Variants in RAI1 observed in about 807,000 individuals in gnomAD.
The protein encoded by RAI1 is retinoic acid induced 1.
RAI1 carries 9 observed loss-of-function variants against 123.8 expected under a neutral mutation model. The ratio of observed to expected loss-of-function variants is 0.07; its 90% CI spans 0.04 to 0.13. The LOEUF is 0.13. Among genes scored for constraint, RAI1 ranks in the 10% least tolerant of loss-of-function variants. The pLI is 1.00. For synonymous variants in RAI1, 1,231 were observed against 1,127.3 expected (o/e 1.09, Z -1.84); for missense variants, 2,256 against 2,545.8 (o/e 0.89, Z 2.45).
At chr17:17,772,445 CAT>C (rs200984884) in intron 2 of RAI1, among the ~76,000 whole-genome samples, 14 of 152,310 alleles carry the variant, frequency 9.2e-5, no homozygotes, top group African/African-American at 2.4e-4. Flanking sequence ...CCCCAACACA[CAT>C]GTGTGATGCT....
chr17:17,692,641 T>G (rs1009912028), intron 1 of RAI1, among the ~76,000 whole-genome samples: 1 of 152,176 alleles, frequency 6.6e-6, no homozygotes, highest in Non-Finnish European at 1.5e-5. Context: ...GGCTATGAAA[T>G]AATATTGTGA....
chr17:17,767,704 CT>C (rs2030994218), intron 2 of RAI1, among the ~76,000 whole-genome samples: 1 of 152,236 alleles, frequency 6.6e-6, no homozygotes, highest in African/African-American at 2.4e-5. Flanking sequence ...CTCCCTAAGC[CT>C]CAGCCTTTGC....
chr17:17,762,967 C>A (rs549883484), intron 2 of RAI1, among the ~76,000 whole-genome samples: 1 of 151,966 alleles, frequency 6.6e-6, no homozygotes, highest in Non-Finnish European at 1.5e-5. Flanking sequence ...GGTGGTTCCC[C>A]GCTGGCATTT....
At chr17:17,736,457 G>A (rs1000066389) in intron 2 of RAI1, among the ~76,000 whole-genome samples, 3 of 152,222 alleles carry the variant, frequency 2.0e-5, no homozygotes, top group Non-Finnish European at 4.4e-5. Context: ...AGGAACAGGC[G>A]GGGAGGAGGC....
chr17:17,768,024 A>G (rs533561159), intron 2 of RAI1, among the ~76,000 whole-genome samples: 2 of 152,342 alleles, frequency 1.3e-5, no homozygotes, highest in East Asian at 3.9e-4. Context: ...TCATTGGCTT[A>G]ATGTAAGTGG....
At chr17:17,755,835 C>T (rs1447523225) in intron 2 of RAI1, among the ~76,000 whole-genome samples, 4 of 152,246 alleles carry the variant, frequency 2.6e-5, no homozygotes, top group African/African-American at 9.6e-5. Flanking sequence ...CTTCTCTTCA[C>T]CCCAAGGCCT....
intron 2 of RAI1, among the ~76,000 whole-genome samples, chr17:17,750,804 A>G (rs2142982919): frequency 6.6e-6 from 1 of 152,332 alleles, no homozygotes; most frequent in East Asian, 1.9e-4. Context: ...AGATATTCAA[A>G]TAGACAGGCC....
Position 17,792,938 on chromosome 17 carries a change from CAGCCCG to C in RAI1, c.-8_-3del. On this transcript the variant is annotated 5_prime_UTR_variant, in exon 3 of 6. Transcript: ENST00000353383. ...CTTCCTTTTTCTTTTCACAGATAAC[CAGCCCG>C]AGTCATGCAGTCTTTTCGAGAAAGG... The C allele has an allele frequency of 7.6e-7, 1 of 1,314,736 alleles. No homozygotes were observed. The highest frequency in any genetic ancestry group is 1.0e-6 in the Non-Finnish European group (1 of 978,052). The allele number at this position is 1,314,736 out of a possible 1,614,324, so 81.4% of individuals were successfully genotyped here.
chr17:17,755,642 G>A (rs185337868), intron 2 of RAI1, among the ~76,000 whole-genome samples: 1 of 152,306 alleles, frequency 6.6e-6, no homozygotes, highest in South Asian at 2.1e-4. Context: ...GCCAGCAGGG[G>A]TGCGTCCCCC....
At chr17:17,734,261 C>T (rs1025291320) in intron 2 of RAI1, among the ~76,000 whole-genome samples, 2 of 150,970 alleles carry the variant, frequency 1.3e-5, no homozygotes, top group Admixed American at 6.6e-5. Context: ...CTTGGCATAG[C>T]GAGACCCTCT....
intron 2 of RAI1, among the ~76,000 whole-genome samples, chr17:17,750,487 C>T (rs778554630): frequency 6.6e-6 from 1 of 151,476 alleles, no homozygotes; most frequent in Non-Finnish European, 1.5e-5. Flanking sequence ...TTTGGGAGGC[C>T]GAGGCGGGTG....
intron 2 of RAI1, among the ~76,000 whole-genome samples, chr17:17,740,338 G>C (rs544563447): frequency 6.6e-6 from 1 of 152,288 alleles, no homozygotes; most frequent in Non-Finnish European, 1.5e-5. Flanking sequence ...CCCAGGGGCT[G>C]GTGGTGTTCC....
intron 1 of RAI1, among the ~76,000 whole-genome samples, chr17:17,686,548 G>A (rs1211981919): frequency 6.7e-6 from 1 of 149,118 alleles, no homozygotes; most frequent in Non-Finnish European, 1.5e-5. Context: ...GACAGATTTC[G>A]CTCCACTGGT....
chr17:17,761,640 G>A (rs1200119376), intron 2 of RAI1, among the ~76,000 whole-genome samples: 1 of 152,220 alleles, frequency 6.6e-6, no homozygotes, highest in Non-Finnish European at 1.5e-5. Flanking sequence ...ACTAGGAGCA[G>A]GTGGAAAGGT....
At chr17:17,786,397 G>T (rs1454989814) in intron 2 of RAI1, among the ~76,000 whole-genome samples, 3 of 152,196 alleles carry the variant, frequency 2.0e-5, no homozygotes, top group Non-Finnish European at 4.4e-5. Context: ...AACAAAACAG[G>T]CAGAAATCCT....
Position 17,811,001 on chromosome 17 carries a change from C to G in RAI1, c.*1020C>G, listed in dbSNP as rs967597350. ...GTGCGTCGTGCGCCCGCAACAGAGCCCCAACCGGGCCTTTGCCGGGTAAGG... is the reference window on the plus strand; with the variant it reads ...GTGCGTCGTGCGCCCGCAACAGAGCGCCAACCGGGCCTTTGCCGGGTAAGG... On this transcript the variant is annotated 3_prime_UTR_variant, in exon 6 of 6. Coordinates refer to ENST00000353383, the MANE Select transcript of RAI1 (RefSeq NM_030665.4). 6.3e-6 allele frequency: 2 copies of G among 318,796 alleles called. No homozygotes were observed. The highest frequency in any genetic ancestry group is 4.5e-5 in the African/African-American group (2 of 44,300). The allele number at this position is 318,796 out of a possible 1,614,324, so 19.7% of individuals were successfully genotyped here.
chr17:17,724,381 T>C (rs1372885158), intron 2 of RAI1, among the ~76,000 whole-genome samples: 1 of 148,234 alleles, frequency 6.7e-6, no homozygotes, highest in Non-Finnish European at 1.5e-5. Context: ...GGAATCGGTC[T>C]CAGAAGAAGG....
In RAI1 at chr17:17,757,276, A is replaced by G. The variant is rs116615576; in HGVS notation, c.-17+33117A>G. On this transcript the variant is annotated intron_variant, in intron 2 of 5. Transcript: ENST00000353383. ...AGCTCATCTGGCTGCAGAGTCAGGAAAGATTTCCTGAGCCTGGACTGAGAG... is the reference window on the plus strand; with the variant it reads ...AGCTCATCTGGCTGCAGAGTCAGGAGAGATTTCCTGAGCCTGGACTGAGAG... Among the ~76,000 whole-genome samples the G allele has an allele frequency of 7.9e-3, 1,204 of 152,300 alleles. 15 individuals are homozygous for G. The highest frequency in any genetic ancestry group is 0.027 in the African/African-American group (1,127 of 41,560).
chr17:17,775,725 G>A (rs575582282), intron 2 of RAI1, among the ~76,000 whole-genome samples: 19 of 152,280 alleles, frequency 1.2e-4, no homozygotes, highest in Middle Eastern at 3.4e-3. Context: ...GGGGCCAGGA[G>A]AAAGGGAGGG....
Sources: gnomAD v4.1 joint callset for allele counts (sites outside exome capture counted in the v4.1 genomes callset) on GRCh38, gnomAD v4.1.1 for gene constraint, MANE v1.5 for transcripts, NCBI Gene and HGNC (gene_info 2026-07-23, HGNC 2026-07-21) for gene names.